PXYLP1: variants seen among roughly 807,000 people sequenced by gnomAD.
PXYLP1 encodes the protein 2-phosphoxylose phosphatase 1, also known as acid phosphatase-like 2.
A neutral mutation model predicts 37.9 loss-of-function variants in PXYLP1; 17 were observed. The ratio of observed to expected loss-of-function variants is 0.45; its 90% CI spans 0.31 to 0.67. The LOEUF is 0.67. PXYLP1 is among the 30% of genes least tolerant of loss of function. The probability of loss-of-function intolerance (pLI) is 0.07; values close to 1 mark genes in which losing one functional copy is unlikely to be tolerated. For synonymous variants in PXYLP1, 221 were observed against 232.2 expected (o/e 0.95, Z 0.44); for missense variants, 511 against 612.0 (o/e 0.84, Z 1.74).
At chr3:141,253,320 C>T (rs143669634) in intron 1 of PXYLP1, among the ~76,000 whole-genome samples, 91 of 152,204 alleles carry the variant, frequency 6.0e-4, no homozygotes, top group African/African-American at 1.8e-3. Context: ...ACCCCAGCTC[C>T]GCCTGTGTGG....
At chr3:141,283,141 ATTT>A (rs11355634) in intron 4 of PXYLP1, among the ~76,000 whole-genome samples, 10 of 144,904 alleles carry the variant, frequency 6.9e-5, no homozygotes, top group Non-Finnish European at 1.4e-4. Flanking sequence ...TAATTTTTGT[ATTT>A]TTTTTTTTTT....
Position 141,292,186 on chromosome 3 carries a change from A to T in PXYLP1, c.506-82A>T. The stretch of plus-strand genomic sequence containing the variant: ...ATTCTCTTGCCCTAAAACACTCCAG[A>T]GCCACACGCTGACTCCACCTCCCCT... On this transcript the variant is annotated intron_variant, in intron 5 of 5. Coordinates refer to ENST00000286353, the MANE Select transcript of PXYLP1 (RefSeq NM_001037172.3). This position sits in a 1 kb window ranked among gnomAD's most constrained non-coding sequence, Gnocchi z 4.3. 1 of 1,357,208 alleles carries T rather than the reference A, an allele frequency of 7.4e-7. No individual in the cohort carries two copies. The highest frequency in any genetic ancestry group is 1.0e-6 in the Non-Finnish European group (1 of 989,996). The allele number at this position is 1,357,208 out of a possible 1,614,324, so 84.1% of individuals were successfully genotyped here. A position where few individuals can be genotyped will look rare whatever the true frequency, so the allele number is the denominator to read the frequency against.
chr3:141,262,870 T>G, intron 2 of PXYLP1: 1 of 548,486 alleles, frequency 1.8e-6, no homozygotes. Flanking sequence ...ATACCACTTA[T>G]GTTCTCATTC....
At chr3:141,255,252 TAATTC>T (rs1941239560) in intron 1 of PXYLP1, among the ~76,000 whole-genome samples, 1 of 152,244 alleles carries the variant, frequency 6.6e-6, no homozygotes, top group African/African-American at 2.4e-5. Context: ...TTCAGAGTAA[TAATTC>T]AATTTCTAGG....
At chr3:141,238,382 C>T (rs1028335347) in intron 1 of PXYLP1, among the ~76,000 whole-genome samples, 2 of 152,214 alleles carry the variant, frequency 1.3e-5, no homozygotes, top group South Asian at 4.1e-4. Context: ...CTGGCACGGC[C>T]TCCAGCAATG....
intron 2 of PXYLP1, among the ~76,000 whole-genome samples, chr3:141,272,388 G>A (rs1358811185): frequency 2.6e-5 from 4 of 151,888 alleles, no homozygotes; most frequent in African/African-American, 7.3e-5. Flanking sequence ...TATTCCATGG[G>A]GACCATCAAT....
chr3:141,237,621 C>T (rs1940692435), intron 1 of PXYLP1, among the ~76,000 whole-genome samples: 1 of 152,208 alleles, frequency 6.6e-6, no homozygotes. Flanking sequence ...ATGGTACATG[C>T]TTTAAAAATG....
intron 1 of PXYLP1, among the ~76,000 whole-genome samples, chr3:141,236,952 A>G (rs913090028): frequency 2.0e-5 from 3 of 152,210 alleles, no homozygotes; most frequent in African/African-American, 7.2e-5. Flanking sequence ...TATGCAAGTT[A>G]TATTAATTAT....
chr3:141,250,508 G>A (rs780395510), intron 1 of PXYLP1, among the ~76,000 whole-genome samples: 11 of 152,176 alleles, frequency 7.2e-5, no homozygotes, highest in South Asian at 2.1e-4. Flanking sequence ...CCACCCAGTC[G>A]TTGTATCCAT....
At chr3:141,245,582 T>C (rs961465852) in intron 1 of PXYLP1, among the ~76,000 whole-genome samples, 1 of 152,068 alleles carries the variant, frequency 6.6e-6, no homozygotes, top group African/African-American at 2.4e-5. Flanking sequence ...TCACCTGGAG[T>C]GTTTTTTATT....
At chr3:141,274,602 A>T (rs1211693083) in intron 2 of PXYLP1, 1 of 850,144 alleles carries the variant, frequency 1.2e-6, no homozygotes, top group East Asian at 2.6e-5. Flanking sequence ...CATGGAGCAC[A>T]GCGTCTGCCC....
At chr3:141,241,825 G>C (rs1207209985) in intron 1 of PXYLP1, among the ~76,000 whole-genome samples, 1 of 152,200 alleles carries the variant, frequency 6.6e-6, no homozygotes, top group East Asian at 1.9e-4. Context: ...CTTGGCTGCT[G>C]TCCCAGACTC....
At chr3:141,237,631 G>A (rs528838742) in intron 1 of PXYLP1, among the ~76,000 whole-genome samples, 79 of 152,340 alleles carry the variant, frequency 5.2e-4, no homozygotes, top group African/African-American at 1.5e-3. Context: ...CTTTAAAAAT[G>A]TTAGCTGCTA....
At chr3:141,269,651 G>A (rs960480872) in intron 2 of PXYLP1, among the ~76,000 whole-genome samples, 9 of 152,194 alleles carry the variant, frequency 5.9e-5, no homozygotes, top group Admixed American at 2.6e-4. Flanking sequence ...TGTTCGCATC[G>A]TCTTTCAGAG....
intron 5 of PXYLP1, among the ~76,000 whole-genome samples, chr3:141,289,624 G>A (rs1030419240): frequency 6.6e-6 from 1 of 152,290 alleles, no homozygotes; most frequent in East Asian, 1.9e-4. Context: ...CAGACCTCTA[G>A]AGACTGGAAC....
intron 2 of PXYLP1, among the ~76,000 whole-genome samples, chr3:141,268,948 G>T (rs74827253): frequency 3.3e-5 from 5 of 152,208 alleles, no homozygotes; most frequent in Non-Finnish European, 5.9e-5. Context: ...TGTGTCATCC[G>T]AGGGGCTGGA....
chr3:141,261,413 C>G (rs1028096248), intron 2 of PXYLP1, among the ~76,000 whole-genome samples: 2 of 152,206 alleles, frequency 1.3e-5, no homozygotes, highest in Non-Finnish European at 2.9e-5. Context: ...ATAGGTGTTA[C>G]ATAAGCATAA....
At chr3:141,287,556 G>C in intron 5 of PXYLP1, 103 bp downstream of exon 5, 2 of 1,357,430 alleles carry the variant, frequency 1.5e-6, no homozygotes, top group South Asian at 1.8e-5. Flanking sequence ...GCTCAGAGGG[G>C]GTAAGCAAGG....
intron 3 of PXYLP1, 124 bp downstream of exon 3, chr3:141,278,624 C>A: frequency 7.9e-7 from 1 of 1,263,354 alleles, no homozygotes; most frequent in African/African-American, 1.5e-5. Context: ...CAGGCTGTGC[C>A]CTTGAATGAG....
Sources: gnomAD v4.1 joint callset for allele counts (sites outside exome capture counted in the v4.1 genomes callset) on GRCh38, gnomAD v4.1.1 for gene constraint, Gnocchi (gnomAD v3.1) non-coding constraint, MANE v1.5 for transcripts, NCBI Gene and HGNC (gene_info 2026-07-23, HGNC 2026-07-21) for gene names.